DNAH8: variants seen among roughly 807,000 people sequenced by gnomAD.
DNAH8 encodes axonemal beta dynein heavy chain 8.
DNAH8 carries 382 observed loss-of-function variants against 562.1 expected under a neutral mutation model. The ratio of observed to expected loss-of-function variants is 0.68; its 90% CI spans 0.63 to 0.74. The LOEUF is 0.74. Among genes scored for constraint, DNAH8 ranks in the 30% least tolerant of loss-of-function variants. The probability of loss-of-function intolerance (pLI) is 0.00; values close to 1 mark genes in which losing one functional copy is unlikely to be tolerated. For synonymous variants in DNAH8, 1,881 were observed against 1,919.4 expected (o/e 0.98, Z 0.52); for missense variants, 5,203 against 5,620.4 (o/e 0.93, Z 2.37).
chr6:38,782,349 C>G (rs531766495), intron 16 of DNAH8, among the ~76,000 whole-genome samples: 8 of 152,030 alleles, frequency 5.3e-5, no homozygotes, highest in African/African-American at 1.9e-4. Flanking sequence ...GGCGCAGTCT[C>G]GGCTCACTGC....
intron 49 of DNAH8, among the ~76,000 whole-genome samples, chr6:38,871,901 A>T (rs1272577667): frequency 6.6e-6 from 1 of 152,170 alleles, no homozygotes; most frequent in Non-Finnish European, 1.5e-5. Context: ...TTCCAGGTGG[A>T]GCAATCTTTG....
intron 92 of DNAH8, 44 bp downstream of exon 92, chr6:39,026,711 G>A (rs748524044): frequency 6.2e-5 from 99 of 1,601,070 alleles, no homozygotes; most frequent in Non-Finnish European, 8.3e-5. Context: ...TGGAGCCAGA[G>A]CTGAAATTTC....
intron 82 of DNAH8, among the ~76,000 whole-genome samples, chr6:38,964,648 TTGAA>T (rs1193124337): frequency 6.6e-6 from 1 of 151,996 alleles, no homozygotes; most frequent in Non-Finnish European, 1.5e-5. Context: ...AAGGTATTGA[TTGAA>T]TGAACAAGAA....
chr6:38,790,246 C>T (rs774523035), intron 19 of DNAH8, 43 bp from the exon 20 acceptor site: 2 of 1,008,932 alleles, frequency 2.0e-6, no homozygotes, highest in Non-Finnish European at 3.1e-6. Context: ...AGTGCAGATG[C>T]TCCTGTTGAT....
At chr6:38,851,271 C>A (rs1259211067) in intron 38 of DNAH8, among the ~76,000 whole-genome samples, 1 of 152,124 alleles carries the variant, frequency 6.6e-6, no homozygotes, top group Non-Finnish European at 1.5e-5. Flanking sequence ...TGTGCTCCCC[C>A]TGGGTTTAAG....
chr6:38,723,233 C>A, intron 2 of DNAH8, 34 bp downstream of exon 2: 1 of 1,583,938 alleles, frequency 6.3e-7, no homozygotes, highest in Non-Finnish European at 8.6e-7. Flanking sequence ...ATGTGTGCCA[C>A]TTTTCCTTAT....
intron 28 of DNAH8, among the ~76,000 whole-genome samples, chr6:38,825,282 G>A (rs1328629430): frequency 6.6e-6 from 1 of 152,188 alleles, no homozygotes; most frequent in Non-Finnish European, 1.5e-5. Context: ...TTTAATGGTT[G>A]GAAGGCAAGA....
intron 88 of DNAH8, among the ~76,000 whole-genome samples, 159 bp from the exon 89 acceptor site, chr6:39,008,655 C>A (rs1260341301): frequency 2.8e-5 from 4 of 145,298 alleles, no homozygotes; most frequent in African/African-American, 7.5e-5. Context: ...TCTCTAGTTT[C>A]TTTCATTCCT....
chr6:38,963,352 T>C (rs1157969946), intron 82 of DNAH8, among the ~76,000 whole-genome samples: 2 of 77,584 alleles, frequency 2.6e-5, no homozygotes, highest in Admixed American at 1.6e-4. Flanking sequence ...ACATTTTCTT[T>C]GAGAAAGTCC....
intron 13 of DNAH8, among the ~76,000 whole-genome samples, chr6:38,777,738 G>T (rs1235919474): frequency 6.6e-6 from 1 of 152,264 alleles, no homozygotes; most frequent in Middle Eastern, 3.4e-3. Flanking sequence ...GGCCAATGGT[G>T]GGACTCTTGA....
In DNAH8 at chr6:38,803,187, A is replaced by G. The variant is rs1361594978; in HGVS notation, c.2910A>G (p.Thr970=). 6 of 1,596,372 alleles carry G rather than the reference A, an allele frequency of 3.8e-6. No homozygotes were observed. The highest frequency in any genetic ancestry group is 4.5e-5 in the East Asian group (2 of 44,288). ...EDMLTLNETY[T]KEWADILNHK... ...ATTTCTTTATTTAACAGACATACAC[A>G]AAAGAATGGGCTGACATTCTAAACC... Residue 970 remains threonine (T), a synonymous_variant, in exon 22 of 93, where the codon ACA becomes ACG. Transcript: ENST00000327475.
At chr6:38,922,599 T>C (rs112701848) in intron 71 of DNAH8, among the ~76,000 whole-genome samples, 1,956 of 152,316 alleles carry the variant, frequency 0.013, 36 homozygotes, top group Middle Eastern at 0.037. Flanking sequence ...TCACAAATAC[T>C]CTAAAAATTT....
At chr6:38,964,603 A>G (rs1170590150) in intron 82 of DNAH8, among the ~76,000 whole-genome samples, 1 of 151,810 alleles carries the variant, frequency 6.6e-6, no homozygotes, top group East Asian at 1.9e-4. Context: ...GCTATTTATA[A>G]TACTGAAAAA....
intron 7 of DNAH8, among the ~76,000 whole-genome samples, 173 bp from the exon 8 acceptor site, chr6:38,741,538 A>G (rs1240567060): frequency 6.6e-6 from 1 of 152,084 alleles, no homozygotes; most frequent in Non-Finnish European, 1.5e-5. Flanking sequence ...TTTAGTAGAT[A>G]GTATCTATCA....
At chr6:39,008,691 T>TCC in intron 88 of DNAH8, 123 bp from the exon 89 acceptor site, 1 of 515,340 alleles carries the variant, frequency 1.9e-6, no homozygotes, top group Non-Finnish European at 3.1e-6. Context: ...TTAACTTTTC[T>TCC]TCTTTTTTTT....
chr6:38,724,060 G>T (rs1432837969), intron 3 of DNAH8, among the ~76,000 whole-genome samples: 6 of 151,630 alleles, frequency 4.0e-5, no homozygotes, highest in Non-Finnish European at 8.8e-5. Flanking sequence ...CACCATCTCG[G>T]CTCACTAACC....
rs1197311187 is a variant in DNAH8 at position 39,014,281 on chromosome 6, G to A, written c.13714+1644G>A. 2.0e-5 allele frequency among the ~76,000 whole-genome samples: 3 copies of A among 152,254 alleles called. No homozygotes were observed. The East Asian group carries it at 5.8e-4, about 29-fold the overall frequency. Reference sequence around the variant, plus strand: ...CCAGAATTTCCATTGAGTTAGGGGAGGAACATTTTTTATTATGGGTCTCAG... The same window carrying A: ...CCAGAATTTCCATTGAGTTAGGGGAAGAACATTTTTTATTATGGGTCTCAG... On this transcript the variant is annotated intron_variant, in intron 91 of 92. Coordinates refer to ENST00000327475, the MANE Select transcript of DNAH8 (RefSeq NM_001206927.2).
At chr6:38,828,092 T>G in intron 29 of DNAH8, 92 bp from the exon 30 acceptor site, 1 of 811,114 alleles carries the variant, frequency 1.2e-6, no homozygotes, top group Non-Finnish European at 2.0e-6. Flanking sequence ...TGTCTTCTTC[T>G]AAGACATAGG....
chr6:38,734,273 G>T (rs1380556017), intron 4 of DNAH8, among the ~76,000 whole-genome samples: 1 of 110,936 alleles, frequency 9.0e-6, no homozygotes, highest in Non-Finnish European at 1.7e-5. Context: ...AACAGAGCAA[G>T]ACTCTGTCTC....
Sources: gnomAD v4.1 joint callset for allele counts (sites outside exome capture counted in the v4.1 genomes callset) on GRCh38, gnomAD v4.1.1 for gene constraint, MANE v1.5 for transcripts, NCBI Gene and HGNC (gene_info 2026-07-23, HGNC 2026-07-21) for gene names.